The following GRM5 variants were observed in gnomAD, a reference collection of about 807,000 sequenced individuals.
GRM5 encodes metabotropic glutamate receptor 5.
Under a neutral mutation model 83.1 loss-of-function variants are expected in GRM5, and 19 were observed. The ratio of observed to expected loss-of-function variants is 0.23; its 90% CI spans 0.16 to 0.34. The LOEUF (loss-of-function observed/expected upper bound fraction) is 0.34, where lower values mean the gene tolerates loss of function less well. Ranked by LOEUF, GRM5 falls within the 10% of genes least tolerant of loss-of-function variation. The pLI, the probability that GRM5 is intolerant of heterozygous loss-of-function variation, is 1.00. For missense variants in GRM5, 1,160 were observed against 1,588.3 expected (o/e 0.73, Z 4.58); for synonymous variants, 675 against 633.6 (o/e 1.07, Z -0.98).
At chr11:88,604,579 G>T in intron 5 of GRM5, 139 bp downstream of exon 5, 1 of 711,712 alleles carries the variant, frequency 1.4e-6, no homozygotes, top group Non-Finnish European at 2.3e-6. Flanking sequence ...CTCTATCTTT[G>T]CTCATTTGGG....
chr11:88,851,921 G>A (rs1944395332), intron 2 of GRM5, among the ~76,000 whole-genome samples: 1 of 152,162 alleles, frequency 6.6e-6, no homozygotes, highest in Non-Finnish European at 1.5e-5. Context: ...GGCACTTTCT[G>A]AAAAATGTGC....
chr11:89,030,525 T>A (rs1433179910), intron 2 of GRM5, among the ~76,000 whole-genome samples: 4 of 152,080 alleles, frequency 2.6e-5, no homozygotes, highest in Non-Finnish European at 5.9e-5. Flanking sequence ...ATCTGGTAAA[T>A]GGTAATTAAA....
chr11:88,805,647 ACT>A (rs374990161), intron 3 of GRM5, among the ~76,000 whole-genome samples: 1 of 152,238 alleles, frequency 6.6e-6, no homozygotes, highest in East Asian at 1.9e-4. Flanking sequence ...ATGAATCTTC[ACT>A]CTTCTAATCA....
intron 2 of GRM5, among the ~76,000 whole-genome samples, chr11:88,903,707 A>G (rs1269837426): frequency 6.6e-6 from 1 of 152,180 alleles, no homozygotes; most frequent in African/African-American, 2.4e-5. Context: ...GTTTGCATGA[A>G]TGTAGAATGT....
intron 3 of GRM5, among the ~76,000 whole-genome samples, chr11:88,759,999 G>A (rs922196858): frequency 1.3e-5 from 2 of 152,072 alleles, no homozygotes; most frequent in Non-Finnish European, 2.9e-5. Context: ...TGAAATTAAG[G>A]CAGAAATCAA....
At chr11:88,882,560 C>CAA (rs35899523) in intron 2 of GRM5, among the ~76,000 whole-genome samples, 84 of 123,164 alleles carry the variant, frequency 6.8e-4, no homozygotes, top group African/African-American at 1.4e-3. Context: ...GACTCTGTCT[C>CAA]AAAAAAAAAA....
chr11:88,672,897 G>A (rs1024161071), intron 3 of GRM5, among the ~76,000 whole-genome samples: 18 of 151,862 alleles, frequency 1.2e-4, no homozygotes, highest in Non-Finnish European at 2.7e-4. Context: ...TATGCTGAGG[G>A]TACAGTGGTA....
At chr11:88,698,988 G>A (rs1940965258) in intron 3 of GRM5, among the ~76,000 whole-genome samples, 1 of 152,112 alleles carries the variant, frequency 6.6e-6, no homozygotes, top group Non-Finnish European at 1.5e-5. Context: ...TTATACAAGT[G>A]GTTACAACCT....
Position 88,993,041 on chromosome 11 carries a change from A to T in GRM5, c.661+54171T>A, listed in dbSNP as rs889566067. Reference sequence around the variant, plus strand: ...AAATAAAATAAATAAAATAATAAAAAAATAAAAAATAAATAAAAAAAAAGA... The same window carrying T: ...AAATAAAATAAATAAAATAATAAAATAATAAAAAATAAATAAAAAAAAAGA... On this transcript the variant is annotated intron_variant, in intron 2 of 9. Coordinates refer to ENST00000305447, the MANE Select transcript of GRM5 (RefSeq NM_001143831.3). Among the ~76,000 whole-genome samples, 7 of 150,864 alleles carry T rather than the reference A, an allele frequency of 4.6e-5. No individual in the cohort carries two copies. The South Asian group carries it at 6.2e-4, about 13-fold the overall frequency.
intron 2 of GRM5, among the ~76,000 whole-genome samples, chr11:88,950,304 AT>A (rs1938416144): frequency 6.6e-6 from 1 of 152,056 alleles, no homozygotes; most frequent in Non-Finnish European, 1.5e-5. Context: ...AAATAGGTAA[AT>A]GAAAATATTT....
At chr11:89,028,110 A>G (rs1331454962) in intron 2 of GRM5, among the ~76,000 whole-genome samples, 1 of 152,182 alleles carries the variant, frequency 6.6e-6, no homozygotes, top group African/African-American at 2.4e-5. Flanking sequence ...TCCAGCCAAC[A>G]GAATTGTGAG....
chr11:88,993,952 A>G (rs1345207394), intron 2 of GRM5, among the ~76,000 whole-genome samples: 1 of 152,158 alleles, frequency 6.6e-6, no homozygotes, highest in Non-Finnish European at 1.5e-5. Flanking sequence ...TCCTAGGCTC[A>G]AGCAACTCTC....
Position 88,695,371 on chromosome 11 carries a change from C to G in GRM5, c.912-41968G>C, listed in dbSNP as rs190922377. Among the ~76,000 whole-genome samples, 10 of 152,244 alleles carry G rather than the reference C, an allele frequency of 6.6e-5. No homozygotes were observed. The East Asian group carries it at 1.9e-3, about 29-fold the overall frequency. On this transcript the variant is annotated intron_variant, in intron 3 of 9. Coordinates refer to ENST00000305447, the MANE Select transcript of GRM5 (RefSeq NM_001143831.3). ...CCATTATTTATATAGTGGAGCTGTCCTACTTGCTTTGTAAGGCAAAATACT... is the reference window on the plus strand; with the variant it reads ...CCATTATTTATATAGTGGAGCTGTCGTACTTGCTTTGTAAGGCAAAATACT...
At chr11:88,647,138 C>T (rs547513229) in intron 4 of GRM5, among the ~76,000 whole-genome samples, 22 of 152,200 alleles carry the variant, frequency 1.4e-4, no homozygotes, top group Admixed American at 1.2e-3. Flanking sequence ...CCCTTTCTGT[C>T]TGTATGTCTC....
intron 2 of GRM5, chr11:89,009,190 C>T (rs1937083098): frequency 3.1e-6 from 2 of 640,476 alleles, no homozygotes; most frequent in Non-Finnish European, 5.7e-6. Context: ...AATTTGTTAA[C>T]ACAAAGGTAA....
At chr11:88,707,480 T>C (rs1471755126) in intron 3 of GRM5, among the ~76,000 whole-genome samples, 4 of 152,116 alleles carry the variant, frequency 2.6e-5, no homozygotes, top group African/African-American at 9.7e-5. Flanking sequence ...TCTGGCTGAG[T>C]GTGTTGGTCA....
chr11:88,817,128 C>T (rs968778364), intron 3 of GRM5, among the ~76,000 whole-genome samples: 2 of 151,998 alleles, frequency 1.3e-5, no homozygotes, highest in African/African-American at 2.4e-5. Context: ...AATATCACTC[C>T]ATGAAGAGAA....
chr11:88,902,508 T>C (rs1265661882), intron 2 of GRM5, among the ~76,000 whole-genome samples: 1 of 152,152 alleles, frequency 6.6e-6, no homozygotes, highest in Non-Finnish European at 1.5e-5. Flanking sequence ...ATGAATGTAC[T>C]TATTCATTCA....
intron 3 of GRM5, among the ~76,000 whole-genome samples, chr11:88,744,243 G>A (rs950934239): frequency 1.3e-5 from 2 of 152,224 alleles, no homozygotes; most frequent in Admixed American, 1.3e-4. Flanking sequence ...TGAAAGGCCA[G>A]AGGGAAAAAA....
Sources: gnomAD v4.1 joint callset for allele counts (sites outside exome capture counted in the v4.1 genomes callset) on GRCh38, gnomAD v4.1.1 for gene constraint, MANE v1.5 for transcripts, NCBI Gene and HGNC (gene_info 2026-07-23, HGNC 2026-07-21) for gene names.